METTL15: variants seen among roughly 807,000 people sequenced by gnomAD.
METTL15 encodes the protein 12S rRNA N(4)-cytidine methyltransferase METTL15.
In METTL15, 34 loss-of-function variants were observed where a neutral mutation model predicts 38.3. The ratio of observed to expected loss-of-function variants is 0.89; its 90% CI spans 0.68 to 1.18. The LOEUF is 1.18. METTL15 is among the 50% of genes most tolerant of loss of function. The pLI is 0.00. For synonymous variants in METTL15, 162 were observed against 170.9 expected, an observed-to-expected ratio of 0.95 and a Z score of 0.41; for missense variants, 438 against 498.4, an observed-to-expected ratio of 0.88 and a Z score of 1.15.
intron 6 of METTL15, among the ~76,000 whole-genome samples, chr11:28,484,887 C>CTTCTG (rs1439453389): frequency 6.6e-6 from 1 of 152,088 alleles, no homozygotes; most frequent in Non-Finnish European, 1.5e-5. Flanking sequence ...AATGGCCTAC[C>CTTCTG]TTCTGTTGCT....
intron 5 of METTL15, among the ~76,000 whole-genome samples, chr11:28,382,008 T>C (rs1850391608): frequency 6.6e-6 from 1 of 152,196 alleles, no homozygotes; most frequent in Non-Finnish European, 1.5e-5. Flanking sequence ...TTGATTTTTA[T>C]TGGATATACT....
chr11:28,322,962 A>G (rs7102481), intron 6 of METTL15, among the ~76,000 whole-genome samples: 70,351 of 151,984 alleles, frequency 0.46, 17,817 homozygotes, highest in Admixed American at 0.56. Flanking sequence ...TACAACTGAA[A>G]TTAGTTTTTA....
intron 4 of METTL15, among the ~76,000 whole-genome samples, chr11:28,238,524 C>G (rs1487864398): frequency 6.6e-6 from 1 of 152,184 alleles, no homozygotes; most frequent in Non-Finnish European, 1.5e-5. Context: ...CTTTCCTTGA[C>G]CAGGAAAGGG....
At chr11:28,199,552 T>C (rs1852030246) in intron 3 of METTL15, among the ~76,000 whole-genome samples, 1 of 152,128 alleles carries the variant, frequency 6.6e-6, no homozygotes, top group South Asian at 2.1e-4. Flanking sequence ...ATTTGCTTCT[T>C]GGCCAGTACA....
rs930465921 is a variant in METTL15 at position 28,493,523 on chromosome 11, C to T, written c.*425-32955C>T. On this transcript the variant is annotated intron_variant and NMD_transcript_variant, in intron 6 of 7. Transcript: ENST00000532947. ...TGTGCTCTAGCTTTAAATTAAACAT[C>T]GACTCTGGTTATTATTAAAATTCTG... Among the ~76,000 whole-genome samples the T allele has an allele frequency of 7.2e-5, 11 of 152,138 alleles. No homozygotes were observed. In the South Asian group the frequency reaches 8.3e-4, roughly 11 times the overall value.
At chr11:28,427,521 G>A (rs767694985) in intron 6 of METTL15, among the ~76,000 whole-genome samples, 2 of 152,114 alleles carry the variant, frequency 1.3e-5, no homozygotes, top group Non-Finnish European at 2.9e-5. Flanking sequence ...AATTACTTTG[G>A]GCAATATGGC....
At chr11:28,163,642 A>G (rs1850552915) in intron 3 of METTL15, 1 of 392,468 alleles carries the variant, frequency 2.5e-6, no homozygotes, top group Non-Finnish European at 4.5e-6. Context: ...TATCTATTTA[A>G]TTTTCCCCCA....
intron 3 of METTL15, among the ~76,000 whole-genome samples, chr11:28,117,776 C>G (rs1442932804): frequency 6.6e-6 from 1 of 152,154 alleles, no homozygotes; most frequent in Non-Finnish European, 1.5e-5. Context: ...TCACTATTCC[C>G]TTAATCTTCA....
At position 28,250,505 on chromosome 11, in the gene METTL15, T is replaced by A. The variant is rs2133921513; in HGVS notation, c.407+39307T>A. ...TTTTTCATATGCCTTTGGCCACATG[T>A]ATCTCTTCTTTTGAAAAATGTCTGT... On this transcript the variant is annotated intron_variant, in intron 4 of 6. Transcript: ENST00000407364. Among the ~76,000 whole-genome samples the A allele has an allele frequency of 1.3e-5, 2 of 152,106 alleles. 1 individual carries two copies. The highest frequency in any genetic ancestry group is 6.8e-3 in the Middle Eastern group (2 of 294).
At chr11:28,342,494 C>A (rs963053235) in intron 3 of METTL15, among the ~76,000 whole-genome samples, 1 of 151,500 alleles carries the variant, frequency 6.6e-6, no homozygotes, top group African/African-American at 2.4e-5. Context: ...AATTCCTGGG[C>A]TCAAGTGATC....
chr11:28,423,272 G>A (rs1365939140), intron 5 of METTL15, among the ~76,000 whole-genome samples: 2 of 151,986 alleles, frequency 1.3e-5, no homozygotes, highest in Non-Finnish European at 2.9e-5. Flanking sequence ...CAACCACTAT[G>A]GAGAACATTT....
At chr11:28,369,941 C>G (rs1850225814) in intron 5 of METTL15, among the ~76,000 whole-genome samples, 1 of 152,094 alleles carries the variant, frequency 6.6e-6, no homozygotes, top group Non-Finnish European at 1.5e-5. Context: ...TTTATTCTCT[C>G]ATTAATACTT....
chr11:28,263,526 CTG>C (rs1855292864), intron 4 of METTL15, among the ~76,000 whole-genome samples: 1 of 151,996 alleles, frequency 6.6e-6, no homozygotes, highest in Admixed American at 6.6e-5. Flanking sequence ...AGTTAGGTGT[CTG>C]TGAATTTTGA....
chr11:28,387,912 T>A (rs1564915809), intron 5 of METTL15, among the ~76,000 whole-genome samples: 1 of 152,136 alleles, frequency 6.6e-6, no homozygotes, highest in Non-Finnish European at 1.5e-5. Flanking sequence ...GTCAATTCAG[T>A]GTAACATACT....
chr11:28,354,824 TGA>T (rs1427263247), intron 4 of METTL15, among the ~76,000 whole-genome samples: 1 of 152,232 alleles, frequency 6.6e-6, no homozygotes, highest in Non-Finnish European at 1.5e-5. Context: ...GTGTATGTTT[TGA>T]GTTATGTCAA....
chr11:28,384,337 G>A (rs1258242352), intron 5 of METTL15, among the ~76,000 whole-genome samples: 1 of 150,042 alleles, frequency 6.7e-6, no homozygotes, highest in Non-Finnish European at 1.5e-5. Flanking sequence ...GAGACAAAGT[G>A]TCACTCTGTC....
chr11:28,165,740 C>T (rs1053823982), intron 3 of METTL15, among the ~76,000 whole-genome samples: 2 of 151,984 alleles, frequency 1.3e-5, no homozygotes, highest in East Asian at 1.9e-4. Context: ...GGATCAATGT[C>T]GTGGAGCTTT....
chr11:28,330,553 T>G lies in METTL15; in HGVS notation c.936T>G (p.Pro312=). 6.4e-7 allele frequency: 1 copy of G among 1,551,694 alleles called. No homozygotes were observed. The highest frequency in any genetic ancestry group is 2.4e-5 in the East Asian group (1 of 40,906). Residue 312 remains proline (P), a synonymous_variant, in exon 7 of 7, where the codon CCT becomes CCG. Coordinates refer to ENST00000407364, the MANE Select transcript of METTL15 (RefSeq NM_001113528.2). ...AGACAGCTCAGAAGTTTCTGAGACC[T>G]GGTGGTCGTCTTGTTGCCCTCTCCT... is the stretch of plus-strand genomic sequence containing the variant. ...GLKTAQKFLR[P]GGRLVALSFH...
chr11:28,500,061 G>C (rs1325620170), intron 6 of METTL15, among the ~76,000 whole-genome samples: 4 of 151,584 alleles, frequency 2.6e-5, no homozygotes, highest in African/African-American at 9.7e-5. Flanking sequence ...CTGGATGGGA[G>C]GAAATAATCA....
Sources: allele counts gnomAD v4.1 joint callset (sites outside exome capture counted in the v4.1 genomes callset), GRCh38; gene constraint gnomAD v4.1.1; transcripts MANE v1.5; gene names NCBI Gene and HGNC (gene_info 2026-07-23, HGNC 2026-07-21).